PDE4D: variants seen among roughly 807,000 people sequenced by gnomAD.
PDE4D encodes the protein 3',5'-cyclic-AMP phosphodiesterase 4D.
A neutral mutation model predicts 87.4 loss-of-function variants in PDE4D; 24 were observed. That is an observed-to-expected ratio of 0.27 (90% CI 0.20 to 0.39). The LOEUF is 0.39. Among genes scored for constraint, PDE4D ranks in the 10% least tolerant of loss-of-function variants. PDE4D has a pLI of 1.00. For synonymous variants in PDE4D, 384 were observed against 383.2 expected, an observed-to-expected ratio of 1.00 and a Z score of -0.02; for missense variants, 714 against 1,041.0, an observed-to-expected ratio of 0.69 and a Z score of 4.32.
intron 1 of PDE4D, among the ~76,000 whole-genome samples, chr5:59,326,869 T>A (rs1775769855): frequency 6.6e-6 from 1 of 152,164 alleles, no homozygotes; most frequent in South Asian, 2.1e-4. Context: ...CCAATTCGCA[T>A]ATATTTAATG....
chr5:59,186,048 C>G (rs1000387904), intron 3 of PDE4D, among the ~76,000 whole-genome samples: 3 of 152,108 alleles, frequency 2.0e-5, no homozygotes, highest in Non-Finnish European at 4.4e-5. Flanking sequence ...GTTCCTAGAG[C>G]CTTATCTCCT....
rs1356687971 is a variant in PDE4D, at chr5:59,356,768, T to C, written c.456-140800A>G. 9.5e-6 allele frequency: 15 copies of C among 1,572,640 alleles called. No individual in the cohort carries two copies. The South Asian group carries it at 1.3e-4, about 13-fold the overall frequency. On this transcript the variant is annotated intron_variant, in intron 1 of 14. Transcript: ENST00000340635. ...GGAAAAGAGTAATACCTGTAGGACT[T>C]TGAGAAACGCAATCTTGATTTGGCT...
chr5:59,880,239 G>A (rs1749240008), intron 1 of PDE4D, among the ~76,000 whole-genome samples: 1 of 151,440 alleles, frequency 6.6e-6, no homozygotes, highest in Admixed American at 6.6e-5. Flanking sequence ...CTGAGTAGGT[G>A]GGACCAATCA....
intron 1 of PDE4D, among the ~76,000 whole-genome samples, chr5:59,560,206 A>G (rs533414336): frequency 3.7e-4 from 56 of 152,234 alleles, no homozygotes; most frequent in Non-Finnish European, 7.2e-4. Flanking sequence ...AATCTGGCAT[A>G]AAAAGTTCAA....
chr5:59,612,834 G>C (rs1829177988), intron 1 of PDE4D, among the ~76,000 whole-genome samples: 1 of 152,174 alleles, frequency 6.6e-6, no homozygotes, highest in Non-Finnish European at 1.5e-5. Flanking sequence ...CCTGAAGCAG[G>C]ACTTTGCTTG....
At chr5:60,444,309 C>G (rs1275655258) in intron 1 of PDE4D, among the ~76,000 whole-genome samples, 1 of 152,066 alleles carries the variant, frequency 6.6e-6, no homozygotes, top group Non-Finnish European at 1.5e-5. Flanking sequence ...AGTGATTTCA[C>G]CAGGGCTATG....
intron 2 of PDE4D, among the ~76,000 whole-genome samples, chr5:60,056,741 C>G (rs891234251): frequency 5.3e-5 from 8 of 151,968 alleles, no homozygotes; most frequent in African/African-American, 1.4e-4. Context: ...TCCTTTTTAG[C>G]TTTTATAATC....
At chr5:60,208,591 C>A (rs1474796740) in intron 1 of PDE4D, among the ~76,000 whole-genome samples, 4 of 152,204 alleles carry the variant, frequency 2.6e-5, no homozygotes, top group Non-Finnish European at 4.4e-5. Flanking sequence ...AAGCTCCAAC[C>A]TGGCAGCACC....
At chr5:59,497,911 A>C (rs1807518058) in intron 1 of PDE4D, among the ~76,000 whole-genome samples, 1 of 152,098 alleles carries the variant, frequency 6.6e-6, no homozygotes, top group African/African-American at 2.4e-5. Flanking sequence ...AAAAAACTTA[A>C]CGGCAGCTAG....
intron 1 of PDE4D, among the ~76,000 whole-genome samples, chr5:59,250,693 T>C (rs1759761559): frequency 6.6e-6 from 1 of 152,128 alleles, no homozygotes; most frequent in Non-Finnish European, 1.5e-5. Context: ...TTAAAATTCA[T>C]ATGGAACCAA....
At chr5:59,122,023 TCCCA>T (rs1774594458) in intron 5 of PDE4D, among the ~76,000 whole-genome samples, 1 of 151,438 alleles carries the variant, frequency 6.6e-6, no homozygotes, top group Admixed American at 6.6e-5. Context: ...TCGCCTGTAG[TCCCA>T]GCTACTTGGG....
At chr5:59,730,974 C>T (rs560755674) in intron 1 of PDE4D, among the ~76,000 whole-genome samples, 54 of 152,144 alleles carry the variant, frequency 3.5e-4, no homozygotes, top group African/African-American at 1.2e-3. Context: ...CAACTAATTG[C>T]TTTTCTAATC....
intron 1 of PDE4D, among the ~76,000 whole-genome samples, chr5:59,302,652 C>A (rs1168106604): frequency 2.0e-5 from 3 of 152,074 alleles, no homozygotes; most frequent in Non-Finnish European, 4.4e-5. Context: ...TCCTGAGTTA[C>A]TTCACTTAGA....
intron 5 of PDE4D, among the ~76,000 whole-genome samples, chr5:59,129,765 T>C (rs1037446091): frequency 6.6e-6 from 1 of 152,088 alleles, no homozygotes; most frequent in African/African-American, 2.4e-5. Context: ...CAGATGCTGG[T>C]TTTAGAGTCA....
intron 2 of PDE4D, among the ~76,000 whole-genome samples, chr5:59,999,785 AAAT>A (rs1207483336): frequency 6.6e-6 from 1 of 152,032 alleles, no homozygotes; most frequent in Non-Finnish European, 1.5e-5. Flanking sequence ...AAATAATTAA[AAAT>A]AATATTAAAG....
chr5:59,804,915 C>T (rs1038533440), intron 1 of PDE4D, among the ~76,000 whole-genome samples: 16 of 152,308 alleles, frequency 1.1e-4, no homozygotes, highest in African/African-American at 3.8e-4. Flanking sequence ...CCTCAGCTTC[C>T]CAAGTAGCTG....
At chr5:59,618,670 G>A (rs1829997644) in intron 1 of PDE4D, among the ~76,000 whole-genome samples, 1 of 152,148 alleles carries the variant, frequency 6.6e-6, no homozygotes, top group African/African-American at 2.4e-5. Flanking sequence ...GGAGGTGGTG[G>A]TAATATTTCA....
intron 1 of PDE4D, among the ~76,000 whole-genome samples, chr5:59,698,336 A>G (rs958257800): frequency 2.6e-5 from 4 of 152,136 alleles, no homozygotes; most frequent in African/African-American, 9.6e-5. Flanking sequence ...CCACTTAAGC[A>G]GATCACATAG....
At chr5:59,450,003 TTC>T (rs1374720263) in intron 1 of PDE4D, among the ~76,000 whole-genome samples, 1 of 152,210 alleles carries the variant, frequency 6.6e-6, no homozygotes, top group East Asian at 1.9e-4. Flanking sequence ...AGAATTCAGT[TTC>T]TATGTGTTTG....
Sources: gnomAD v4.1 joint callset for allele counts (sites outside exome capture counted in the v4.1 genomes callset) on GRCh38, gnomAD v4.1.1 for gene constraint, MANE v1.5 for transcripts, NCBI Gene and HGNC (gene_info 2026-07-23, HGNC 2026-07-21) for gene names.